Variants in SOX5 observed in about 807,000 individuals in gnomAD.
SOX5 encodes SRY-box transcription factor 5.
In SOX5, 9 loss-of-function variants were observed where a neutral mutation model predicts 92.0. The observed-to-expected ratio is 0.10, with a 90% confidence interval of 0.06 to 0.17. The LOEUF (loss-of-function observed/expected upper bound fraction) is 0.17. Among genes scored for constraint, SOX5 ranks in the 10% least tolerant of loss-of-function variants. The pLI is 1.00. For synonymous variants in SOX5, 344 were observed against 336.3 expected, an observed-to-expected ratio of 1.02 and a Z score of -0.25; for missense variants, 642 against 944.5, an observed-to-expected ratio of 0.68 and a Z score of 4.20.
intron 4 of SOX5, among the ~76,000 whole-genome samples, chr12:24,174,351 G>A (rs1411802430): frequency 6.6e-6 from 1 of 152,018 alleles, no homozygotes; most frequent in African/African-American, 2.4e-5. Flanking sequence ...CACCACCTTT[G>A]GAGAAACACT....
At chr12:24,354,029 G>A (rs1182050897) in intron 2 of SOX5, among the ~76,000 whole-genome samples, 2 of 152,158 alleles carry the variant, frequency 1.3e-5, no homozygotes, top group Non-Finnish European at 2.9e-5. Context: ...CAAATTAATT[G>A]AGATCCCTAC....
chr12:23,968,629 C>T (rs1339020646), intron 4 of SOX5, among the ~76,000 whole-genome samples: 1 of 152,194 alleles, frequency 6.6e-6, no homozygotes, highest in East Asian at 1.9e-4. Flanking sequence ...GCCTTCTCAG[C>T]CTTCAGAACC....
rs113787098 is a variant in SOX5 at position 24,010,168 on chromosome 12, T to C, written c.-1-114144A>G. The stretch of plus-strand genomic sequence containing the variant: ...CTACAATGTGCCAGAAACTTTTCCA[T>C]TTATCAATAGATTTGTCAACGTTTT... On this transcript the variant is annotated intron_variant, in intron 4 of 4. Transcript: ENST00000446891. Among the ~76,000 whole-genome samples the C allele has an allele frequency of 4.6e-5, 7 of 152,298 alleles. 1 individual carries two copies. Among genetic ancestry groups the C allele is most frequent in the African/African-American group, 1.4e-4 (6 of 41,578 alleles).
At chr12:24,406,496 CCT>C (rs1033337751) in intron 1 of SOX5, among the ~76,000 whole-genome samples, 3 of 152,108 alleles carry the variant, frequency 2.0e-5, no homozygotes, top group Non-Finnish European at 2.9e-5. Flanking sequence ...TGCCCCAACC[CCT>C]GAGAGTTCAG....
chr12:24,134,155 A>G (rs1949909005), intron 4 of SOX5, among the ~76,000 whole-genome samples: 1 of 152,108 alleles, frequency 6.6e-6, no homozygotes, highest in Non-Finnish European at 1.5e-5. Context: ...TTAAATTGAG[A>G]CAAACAATAT....
At chr12:23,997,593 T>C (rs141055292) in intron 4 of SOX5, among the ~76,000 whole-genome samples, 32 of 152,256 alleles carry the variant, frequency 2.1e-4, no homozygotes, top group African/African-American at 7.0e-4. Context: ...CTACTCCTGT[T>C]TGTCTGAATG....
chr12:24,334,200 T>G (rs1438472468), intron 2 of SOX5, among the ~76,000 whole-genome samples: 1 of 151,964 alleles, frequency 6.6e-6, no homozygotes, highest in Non-Finnish European at 1.5e-5. Context: ...AGTTATATTT[T>G]CTGAATACAA....
chr12:24,208,676 T>C (rs780199444), intron 4 of SOX5, among the ~76,000 whole-genome samples: 1 of 152,244 alleles, frequency 6.6e-6, no homozygotes, highest in Non-Finnish European at 1.5e-5. Context: ...CGTATTCATT[T>C]GGCTACAGCT....
intron 1 of SOX5, among the ~76,000 whole-genome samples, chr12:24,482,031 A>G (rs1416028910): frequency 2.0e-5 from 3 of 152,342 alleles, no homozygotes; most frequent in South Asian, 4.1e-4. Context: ...AGGAGGAAAA[A>G]CAAAACATGT....
Position 23,895,986 on chromosome 12 carries a change from G to T in SOX5, c.77C>A (p.Ala26Glu). Reference protein sequence around the residue: ...SKRPASPYGEADGEVAMVTSR... With the variant: ...SKRPASPYGEEDGEVAMVTSR... Reference sequence around the variant, plus strand: ...TGTCACCATGGCTACCTCTCCATCTGCTTCCCCATACGGAGAGGCTGGTCG... The same window carrying T: ...TGTCACCATGGCTACCTCTCCATCTTCTTCCCCATACGGAGAGGCTGGTCG... Residue 26 changes from alanine to glutamate, a missense_variant, in exon 2 of 15, where the codon GCA becomes GAA. By Grantham distance (107) the Ala-to-Glu change is moderately radical (BLOSUM62 -1). Coordinates refer to ENST00000451604, the MANE Select transcript of SOX5 (RefSeq NM_006940.6). 6.2e-7 allele frequency: 1 copy of T among 1,614,030 alleles called. No homozygotes were observed. The highest frequency in any genetic ancestry group is 8.5e-7 in the Non-Finnish European group (1 of 1,179,910).
chr12:24,398,788 G>A (rs1210724741), intron 1 of SOX5, among the ~76,000 whole-genome samples: 20 of 152,114 alleles, frequency 1.3e-4, no homozygotes, highest in Non-Finnish European at 7.3e-5. Flanking sequence ...GAAGGGTTTT[G>A]CAGAGAGTAG....
intron 8 of SOX5, chr12:23,638,183 G>C (rs2079535774): frequency 6.6e-6 from 1 of 152,166 alleles, no homozygotes; most frequent in African/African-American, 2.4e-5. Context: ...TGTTTCCACG[G>C]TATCTCACGG....
intron 1 of SOX5, among the ~76,000 whole-genome samples, chr12:24,410,517 G>C (rs1455773626): frequency 6.6e-6 from 1 of 152,048 alleles, no homozygotes; most frequent in African/African-American, 2.4e-5. Context: ...TTTTTTGTTT[G>C]TTTTCCCTAT....
intron 3 of SOX5, among the ~76,000 whole-genome samples, chr12:23,829,059 A>T (rs1472079720): frequency 6.6e-6 from 1 of 151,964 alleles, no homozygotes; most frequent in African/African-American, 2.4e-5. Flanking sequence ...GGAAATTCTG[A>T]GTGAGCTCTC....
intron 1 of SOX5, among the ~76,000 whole-genome samples, chr12:24,440,660 C>T (rs1203423583): frequency 6.6e-6 from 1 of 150,644 alleles, no homozygotes; most frequent in Non-Finnish European, 1.5e-5. Flanking sequence ...AGAAACACCT[C>T]AGCACCCTTA....
chr12:23,885,341 C>T (rs908576156), intron 2 of SOX5, among the ~76,000 whole-genome samples: 3 of 152,136 alleles, frequency 2.0e-5, no homozygotes, highest in Admixed American at 2.0e-4. Flanking sequence ...TGGAGCTATA[C>T]CCCTATCATC....
intron 3 of SOX5, among the ~76,000 whole-genome samples, chr12:23,840,673 A>G (rs964431995): frequency 2.6e-5 from 4 of 152,178 alleles, no homozygotes; most frequent in African/African-American, 9.6e-5. Context: ...GCAGAAACAG[A>G]TCCACACAAA....
intron 8 of SOX5, among the ~76,000 whole-genome samples, chr12:23,628,413 G>A (rs758113909): frequency 6.6e-6 from 1 of 152,138 alleles, no homozygotes; most frequent in South Asian, 2.1e-4. Flanking sequence ...ACTCCATAAA[G>A]GAAGTAATTG....
intron 1 of SOX5, among the ~76,000 whole-genome samples, chr12:24,394,733 G>C (rs1959453514): frequency 6.6e-6 from 1 of 152,102 alleles, no homozygotes; most frequent in African/African-American, 2.4e-5. Context: ...TTCAATAAGT[G>C]GCAAGTAAAA....
Sources: gnomAD v4.1 joint callset for allele counts (sites outside exome capture counted in the v4.1 genomes callset) on GRCh38, gnomAD v4.1.1 for gene constraint, MANE v1.5 for transcripts, NCBI Gene and HGNC (gene_info 2026-07-23, HGNC 2026-07-21) for gene names.